Variants in CRTAC1 observed in about 807,000 individuals in gnomAD.
CRTAC1 encodes cartilage acidic protein 1.
In CRTAC1, 37 loss-of-function variants were observed where a neutral mutation model predicts 67.8. The observed-to-expected ratio is 0.55, with a 90% CI of 0.42 to 0.72. The LOEUF is 0.72. Ranked by LOEUF, CRTAC1 falls within the 30% of genes least tolerant of loss-of-function variation. CRTAC1 has a pLI of 0.00. For synonymous variants in CRTAC1, 348 were observed against 371.0 expected (o/e 0.94, Z 0.71); for missense variants, 780 against 931.6 (o/e 0.84, Z 2.12).
intron 1 of CRTAC1, among the ~76,000 whole-genome samples, chr10:98,017,476 G>C (rs1843022455): frequency 1.3e-5 from 2 of 152,140 alleles, no homozygotes; most frequent in Admixed American, 1.3e-4. Flanking sequence ...ACTTCATAAG[G>C]GCCAGAGATG....
chr10:97,943,939 A>G (rs1335789427), intron 2 of CRTAC1, among the ~76,000 whole-genome samples: 1 of 152,260 alleles, frequency 6.6e-6, no homozygotes, highest in Non-Finnish European at 1.5e-5. Flanking sequence ...TACAAATTTT[A>G]AATGATAATT....
At chr10:97,923,009 A>G (rs2050862002) in intron 4 of CRTAC1, among the ~76,000 whole-genome samples, 1 of 152,176 alleles carries the variant, frequency 6.6e-6, no homozygotes, top group Non-Finnish European at 1.5e-5. Context: ...CTAGGCTTCC[A>G]TCCCCACAAG....
At chr10:97,959,675 A>G (rs967647330) in intron 2 of CRTAC1, among the ~76,000 whole-genome samples, 1 of 152,126 alleles carries the variant, frequency 6.6e-6, no homozygotes, top group Admixed American at 6.5e-5. Context: ...TGTCCAACTC[A>G]CCGCCACTGG....
At chr10:97,887,025 C>A (rs7898160) in intron 11 of CRTAC1, among the ~76,000 whole-genome samples, 2,931 of 151,750 alleles carry the variant, frequency 0.019, 91 homozygotes, top group African/African-American at 0.066. Context: ...GTACAGTTCC[C>A]AAGTTAAGTG....
In CRTAC1 at chr10:97,975,286, C is replaced by G. The variant is rs2051781404; in HGVS notation, c.224+35852G>C. 6.6e-6 allele frequency among the ~76,000 whole-genome samples: 1 copy of G among 152,114 alleles called. No homozygotes were observed. The highest frequency in any genetic ancestry group is 1.5e-5 in the Non-Finnish European group (1 of 68,018). On this transcript the variant is annotated intron_variant, in intron 2 of 14. Transcript: ENST00000370597. The surrounding 1 kb of genome is among the most constrained non-coding windows in gnomAD (Gnocchi z 4.8). Reference sequence around the variant, plus strand: ...GGCTGACTGATGCGGCTGTCCTCAGCCCCCTCACGGAGCACGGGTGCTGCG... The same window carrying G: ...GGCTGACTGATGCGGCTGTCCTCAGGCCCCTCACGGAGCACGGGTGCTGCG...
intron 2 of CRTAC1, among the ~76,000 whole-genome samples, chr10:97,999,942 C>T (rs7899378): frequency 0.044 from 6,702 of 152,192 alleles, 485 homozygotes; most frequent in African/African-American, 0.15. Flanking sequence ...GGGCCTCCTC[C>T]CTGCTGAGAG....
intron 14 of CRTAC1, chr10:97,879,858 G>GGGGGGCCCAAA: frequency 1.5e-6 from 1 of 645,816 alleles, no homozygotes; most frequent in Non-Finnish European, 2.5e-6. Context: ...AGGGGGTGGG[G>GGGGGGCCCAAA]ACGGGGTGGG....
rs1265309705 is a variant in CRTAC1, at chr10:97,904,680, C to A, written c.985G>T (p.Val329Phe). The A allele has an allele frequency of 1.3e-6, 2 of 1,555,602 alleles. No homozygotes were observed. Among genetic ancestry groups the A allele is most frequent in the African/African-American group, 1.4e-5 (1 of 71,880 alleles). ...LYLQMSTHGK[V>F]RFRDIASPKF... ...AGGCCCCTTCTTACCCGGAAGCGGA[C>A]CTTCCCATGGGTGCTCATTTGCAGA... Residue 329 changes from valine (V) to phenylalanine (F), a missense_variant, in exon 7 of 15, where the codon GTC becomes TTC. Val to Phe is a conservative substitution (Grantham distance 50, BLOSUM62 -1). Transcript: ENST00000370597.
At chr10:97,919,701 A>G (rs1188767930) in intron 4 of CRTAC1, among the ~76,000 whole-genome samples, 2 of 151,554 alleles carry the variant, frequency 1.3e-5, no homozygotes, top group Non-Finnish European at 2.9e-5. Context: ...CAGAATCTGC[A>G]TTGTGGCAAA....
At chr10:97,894,604 C>T (rs2050423226) in intron 11 of CRTAC1, among the ~76,000 whole-genome samples, 1 of 148,846 alleles carries the variant, frequency 6.7e-6, no homozygotes, top group African/African-American at 2.5e-5. Flanking sequence ...CGCCATGTTG[C>T]CCAGGCTAGT....
At chr10:97,924,146 G>A (rs938522979) in intron 3 of CRTAC1, among the ~76,000 whole-genome samples, 6 of 152,156 alleles carry the variant, frequency 3.9e-5, no homozygotes, top group African/African-American at 1.4e-4. Flanking sequence ...GTGGCCTTCT[G>A]GAGCTCGTTC....
intron 2 of CRTAC1, among the ~76,000 whole-genome samples, chr10:97,949,752 C>T (rs897655668): frequency 6.6e-6 from 1 of 152,216 alleles, no homozygotes. Context: ...TGTGGGTGCT[C>T]CTGGTCAAGC....
At chr10:97,879,487 G>A in intron 14 of CRTAC1, 2 of 562,796 alleles carry the variant, frequency 3.6e-6, no homozygotes, top group Non-Finnish European at 5.8e-6. Flanking sequence ...TGCAAAGAAA[G>A]TCTTCACAAA....
chr10:98,016,958 G>A (rs1843010574), intron 1 of CRTAC1, among the ~76,000 whole-genome samples: 1 of 152,216 alleles, frequency 6.6e-6, no homozygotes, highest in African/African-American at 2.4e-5. Context: ...GGCACCCGGA[G>A]TGACCTCGCA....
At chr10:97,887,091 T>C (rs1277646444) in intron 11 of CRTAC1, among the ~76,000 whole-genome samples, 2 of 151,840 alleles carry the variant, frequency 1.3e-5, no homozygotes, top group Non-Finnish European at 2.9e-5. Context: ...GAACAGCAAA[T>C]GTTTCTTACC....
At chr10:98,004,886 C>T (rs1234720946) in intron 2 of CRTAC1, among the ~76,000 whole-genome samples, 5 of 151,210 alleles carry the variant, frequency 3.3e-5, no homozygotes, top group South Asian at 4.2e-4. Context: ...CTCTCTCACA[C>T]ACTCTTTCTC....
intron 1 of CRTAC1, among the ~76,000 whole-genome samples, chr10:98,014,591 A>G (rs931849537): frequency 1.3e-5 from 2 of 152,228 alleles, no homozygotes; most frequent in Non-Finnish European, 2.9e-5. Flanking sequence ...TCCAGAATAT[A>G]TAAAGAACTC....
chr10:97,892,693 T>A (rs1590187674), intron 11 of CRTAC1, among the ~76,000 whole-genome samples: 1 of 152,252 alleles, frequency 6.6e-6, no homozygotes, highest in Non-Finnish European at 1.5e-5. Flanking sequence ...TGGCACATAC[T>A]AATTGCTTGA....
At chr10:97,977,790 T>G (rs891578887) in intron 2 of CRTAC1, among the ~76,000 whole-genome samples, 1 of 152,216 alleles carries the variant, frequency 6.6e-6, no homozygotes, top group African/African-American at 2.4e-5. Context: ...CCTATTGGAA[T>G]TGATGAGTAC....
Sources: gnomAD v4.1 joint callset for allele counts (sites outside exome capture counted in the v4.1 genomes callset) on GRCh38, gnomAD v4.1.1 for gene constraint, Gnocchi (gnomAD v3.1) non-coding constraint, MANE v1.5 for transcripts, NCBI Gene and HGNC (gene_info 2026-07-23, HGNC 2026-07-21) for gene names.